PRKCA: variants seen among roughly 807,000 people sequenced by gnomAD.
The protein encoded by PRKCA is protein kinase C alpha.
Under a neutral mutation model 87.0 loss-of-function variants are expected in PRKCA, and 27 were observed. The observed-to-expected ratio is 0.31, with a 90% CI of 0.23 to 0.43. The LOEUF is 0.43. PRKCA is among the 20% of genes least tolerant of loss of function. PRKCA has a pLI of 1.00. For synonymous variants in PRKCA, 329 were observed against 311.1 expected (o/e 1.06, Z -0.61); for missense variants, 518 against 852.3 (o/e 0.61, Z 4.88).
At chr17:66,330,374 T>G (rs1169628488) in intron 2 of PRKCA, among the ~76,000 whole-genome samples, 1 of 152,206 alleles carries the variant, frequency 6.6e-6, no homozygotes, top group Non-Finnish European at 1.5e-5. Context: ...CCCAAAGTGC[T>G]GGGATTACAG....
intron 2 of PRKCA, among the ~76,000 whole-genome samples, chr17:66,408,290 A>G (rs558999645): frequency 4.6e-5 from 7 of 152,362 alleles, no homozygotes; most frequent in African/African-American, 1.4e-4. Context: ...CCTTCTGGCT[A>G]TGAGATTGAA....
At chr17:66,578,139 AC>A (rs67796531) in intron 3 of PRKCA, among the ~76,000 whole-genome samples, 18,971 of 146,438 alleles carry the variant, frequency 0.13, 1,535 homozygotes, top group South Asian at 0.27. Context: ...TGAATTTAAA[AC>A]AAAACAAAAC....
At chr17:66,506,543 T>G (rs1046030290) in intron 3 of PRKCA, among the ~76,000 whole-genome samples, 1 of 152,154 alleles carries the variant, frequency 6.6e-6, no homozygotes, top group Non-Finnish European at 1.5e-5. Flanking sequence ...TAACCTAACT[T>G]GATCACCAGT....
chr17:66,445,340 A>T (rs189020168), intron 2 of PRKCA, among the ~76,000 whole-genome samples: 1 of 152,362 alleles, frequency 6.6e-6, no homozygotes, highest in African/African-American at 2.4e-5. Flanking sequence ...CGGGATTCAC[A>T]TACCAAGGCT....
At chr17:66,643,814 A>G (rs1971377096) in intron 4 of PRKCA, among the ~76,000 whole-genome samples, 1 of 152,138 alleles carries the variant, frequency 6.6e-6, no homozygotes, top group African/African-American at 2.4e-5. Flanking sequence ...GCAATCCTAG[A>G]TAGAGTTCCA....
chr17:66,426,314 A>G (rs904759816), intron 2 of PRKCA, among the ~76,000 whole-genome samples: 2 of 152,138 alleles, frequency 1.3e-5, no homozygotes, highest in East Asian at 1.9e-4. Flanking sequence ...TTCATCATCT[A>G]TAGGAACTTT....
intron 3 of PRKCA, among the ~76,000 whole-genome samples, chr17:66,554,239 G>GAAAAA (rs11290369): frequency 2.2e-5 from 3 of 138,788 alleles, no homozygotes; most frequent in African/African-American, 2.6e-5. Flanking sequence ...CCGTCTCTAT[G>GAAAAA]AAAAAAAAAA....
intron 16 of PRKCA, among the ~76,000 whole-genome samples, chr17:66,799,238 G>A (rs868084153): frequency 1.4e-5 from 1 of 70,338 alleles, no homozygotes; most frequent in Non-Finnish European, 3.1e-5. Flanking sequence ...GGTGGTGGTG[G>A]TGGTGATGGT....
At chr17:66,336,257 A>G (rs1192321723) in intron 2 of PRKCA, among the ~76,000 whole-genome samples, 1 of 152,198 alleles carries the variant, frequency 6.6e-6, no homozygotes, top group Non-Finnish European at 1.5e-5. Context: ...TACTTCTCTC[A>G]CTGTGTTTAC....
At chr17:66,361,944 A>G (rs538113602) in intron 2 of PRKCA, among the ~76,000 whole-genome samples, 13 of 152,312 alleles carry the variant, frequency 8.5e-5, no homozygotes, top group Admixed American at 3.3e-4. Context: ...CAGCCTTGCT[A>G]TAGAGGCCAT....
intron 3 of PRKCA, among the ~76,000 whole-genome samples, chr17:66,572,563 AC>A (rs1032724173): frequency 6.6e-6 from 1 of 152,132 alleles, no homozygotes; most frequent in African/African-American, 2.4e-5. Context: ...TATCCTGGTA[AC>A]CCACAGCTCA....
chr17:66,321,226 A>G (rs921551972), intron 2 of PRKCA, among the ~76,000 whole-genome samples: 1 of 152,216 alleles, frequency 6.6e-6, no homozygotes, highest in Non-Finnish European at 1.5e-5. Flanking sequence ...TGCTTTAAAA[A>G]TTAGTCTGAA....
chr17:66,681,786 C>T (rs551292890), intron 5 of PRKCA, among the ~76,000 whole-genome samples: 60 of 152,200 alleles, frequency 3.9e-4, no homozygotes, highest in Admixed American at 1.5e-3. Context: ...CACCCATTCA[C>T]GTGAGATGGC....
chr17:66,433,689 C>T (rs1913220357), intron 2 of PRKCA, among the ~76,000 whole-genome samples: 1 of 152,154 alleles, frequency 6.6e-6, no homozygotes, highest in Admixed American at 6.5e-5. Context: ...GGACTACAGG[C>T]ACCCGTCACC....
intron 2 of PRKCA, among the ~76,000 whole-genome samples, chr17:66,408,008 T>G (rs746653224): frequency 4.6e-5 from 7 of 152,232 alleles, no homozygotes; most frequent in Non-Finnish European, 1.0e-4. Context: ...TTATGTAATT[T>G]GTTGTTGGAA....
chr17:66,444,189 G>A (rs1020394390), intron 2 of PRKCA, among the ~76,000 whole-genome samples: 1 of 152,180 alleles, frequency 6.6e-6, no homozygotes, highest in Non-Finnish European at 1.5e-5. Context: ...TCAGGAATGT[G>A]TTTGCTGAGG....
At chr17:66,557,316 C>T (rs985765861) in intron 3 of PRKCA, among the ~76,000 whole-genome samples, 3 of 151,930 alleles carry the variant, frequency 2.0e-5, no homozygotes, top group South Asian at 2.1e-4. Context: ...ATACAAATTA[C>T]GATTCTAAAT....
chr17:66,674,304 G>C (rs1972268080), intron 5 of PRKCA, among the ~76,000 whole-genome samples: 1 of 152,198 alleles, frequency 6.6e-6, no homozygotes, highest in Non-Finnish European at 1.5e-5. Flanking sequence ...GGATGGAGGA[G>C]TGTCCCCAGC....
At chr17:66,477,220 A>C (rs551315031) in intron 2 of PRKCA, among the ~76,000 whole-genome samples, 1 of 152,206 alleles carries the variant, frequency 6.6e-6, no homozygotes, top group Non-Finnish European at 1.5e-5. Context: ...ACCCACAGAA[A>C]CTTCAAAAGG....
Sources: gnomAD v4.1 joint callset for allele counts (sites outside exome capture counted in the v4.1 genomes callset) on GRCh38, gnomAD v4.1.1 for gene constraint, MANE v1.5 for transcripts, NCBI Gene and HGNC (gene_info 2026-07-23, HGNC 2026-07-21) for gene names.